PCSK6: variants seen among roughly 807,000 people sequenced by gnomAD.
PCSK6 encodes the protein paired basic amino acid cleaving enzyme 4.
PCSK6 carries 85 observed loss-of-function variants against 123.3 expected under a neutral mutation model. The ratio of observed to expected loss-of-function variants is 0.69; its 90% CI spans 0.58 to 0.83. The LOEUF is 0.83. Ranked by LOEUF, PCSK6 falls within the 40% of genes least tolerant of loss-of-function variation. The probability of loss-of-function intolerance (pLI) is 0.00; values close to 1 mark genes in which losing one functional copy is unlikely to be tolerated. For synonymous variants in PCSK6, 508 were observed against 516.0 expected (o/e 0.98, Z 0.21); for missense variants, 1,191 against 1,282.3 (o/e 0.93, Z 1.09).
chr15:101,381,736 A>G (rs1175146689), intron 11 of PCSK6, among the ~76,000 whole-genome samples: 3 of 152,034 alleles, frequency 2.0e-5, no homozygotes, highest in Non-Finnish European at 4.4e-5. Context: ...ACCTGCAGCT[A>G]CTCCCCATTT....
chr15:101,361,215 C>T (rs1299388549), intron 13 of PCSK6, among the ~76,000 whole-genome samples: 1 of 148,940 alleles, frequency 6.7e-6, no homozygotes, highest in Non-Finnish European at 1.5e-5. Context: ...CTCTTATTTC[C>T]CTCTAGTGAT....
At chr15:101,362,710 A>T (rs150080603) in intron 13 of PCSK6, among the ~76,000 whole-genome samples, 2 of 152,300 alleles carry the variant, frequency 1.3e-5, no homozygotes, top group African/African-American at 4.8e-5. Context: ...TAACTTGCGT[A>T]CTATCCCCAT....
chr15:101,387,405 T>A (rs112484559), intron 9 of PCSK6, among the ~76,000 whole-genome samples: 2 of 152,216 alleles, frequency 1.3e-5, no homozygotes, highest in South Asian at 4.1e-4. Flanking sequence ...CCAGTCCTCC[T>A]GGAAATCTTG....
Position 101,362,235 on chromosome 15 carries a change from C to T in PCSK6, c.1858+3961G>A, listed in dbSNP as rs545097883. 1.6e-3 allele frequency among the ~76,000 whole-genome samples: 244 copies of T among 152,296 alleles called. 1 individual carries two copies. The highest frequency in any genetic ancestry group is 4.3e-3 in the South Asian group (21 of 4,830). ...CCTCCCAAAGTGCTGGAATTACAGG[C>T]ATGAGCCACCATGCCCAGCCCAAAG... On this transcript the variant is annotated intron_variant, in intron 13 of 21. Transcript: ENST00000611716.
At chr15:101,472,999 C>A (rs536536623) in intron 1 of PCSK6, among the ~76,000 whole-genome samples, 1 of 152,286 alleles carries the variant, frequency 6.6e-6, no homozygotes, top group Non-Finnish European at 1.5e-5. Context: ...TCAATGTGAG[C>A]CTTGTATTGA....
chr15:101,385,560 T>C (rs1372317070), intron 9 of PCSK6, among the ~76,000 whole-genome samples: 3 of 152,242 alleles, frequency 2.0e-5, no homozygotes, highest in Admixed American at 6.5e-5. Flanking sequence ...GCACTTCTGG[T>C]TTCTGTGGTA....
chr15:101,353,286 G>A (rs1481892536), intron 13 of PCSK6, among the ~76,000 whole-genome samples: 1 of 152,124 alleles, frequency 6.6e-6, no homozygotes, highest in Non-Finnish European at 1.5e-5. Flanking sequence ...TTCACAATGG[G>A]GTTCGCACTC....
chr15:101,313,543 G>C, intron 19 of PCSK6, 38 bp from the exon 20 acceptor site: 1 of 1,563,924 alleles, frequency 6.4e-7, no homozygotes, highest in Non-Finnish European at 8.6e-7. Flanking sequence ...ATCAGGGATG[G>C]CTGGCAGAAG....
At chr15:101,309,909 A>G (rs1282187912) in intron 20 of PCSK6, among the ~76,000 whole-genome samples, 1 of 151,634 alleles carries the variant, frequency 6.6e-6, no homozygotes, top group Non-Finnish European at 1.5e-5. Flanking sequence ...GGAACTTATC[A>G]GGCATTGTTC....
At chr15:101,413,300 C>T (rs1024370383) in intron 6 of PCSK6, among the ~76,000 whole-genome samples, 9 of 151,998 alleles carry the variant, frequency 5.9e-5, no homozygotes, top group Non-Finnish European at 8.8e-5. Flanking sequence ...CTGTACCTCA[C>T]GCTGGTAAAG....
At chr15:101,382,355 T>TC (rs2041933609) in intron 10 of PCSK6, 146 bp from the exon 11 acceptor site, 3 of 625,760 alleles carry the variant, frequency 4.8e-6, no homozygotes, top group Admixed American at 2.8e-5. Context: ...GCAGGACGGG[T>TC]CCCCCTGAGG....
intron 13 of PCSK6, among the ~76,000 whole-genome samples, chr15:101,361,229 G>A (rs2041213922): frequency 6.7e-6 from 1 of 149,906 alleles, no homozygotes; most frequent in African/African-American, 2.5e-5. Flanking sequence ...TAGTGATCTG[G>A]AAGGTTGGCA....
At chr15:101,476,743 C>A (rs2057741677) in intron 1 of PCSK6, among the ~76,000 whole-genome samples, 1 of 152,134 alleles carries the variant, frequency 6.6e-6, no homozygotes, top group Non-Finnish European at 1.5e-5. Flanking sequence ...TGTACACCTG[C>A]ACTGTGTGAA....
At position 101,473,937 on chromosome 15, in the gene PCSK6, G is replaced by T. The variant is rs1366789957; in HGVS notation, c.297+15437C>A. On this transcript the variant is annotated intron_variant, in intron 1 of 21. Coordinates refer to ENST00000611716, the MANE Select transcript of PCSK6 (RefSeq NM_002570.5). ...AATGAATGAATGAATGGTTGTGAGG[G>T]TCTTAGATTATCAAAGTCATGATAC... is the stretch of plus-strand genomic sequence containing the variant. Among the ~76,000 whole-genome samples, 4 of 152,072 alleles carry T rather than the reference G, an allele frequency of 2.6e-5. No individual in the cohort carries two copies. In the East Asian group the frequency reaches 5.8e-4, roughly 22 times the overall value.
intron 1 of PCSK6, among the ~76,000 whole-genome samples, chr15:101,464,431 C>T (rs1042937600): frequency 6.6e-6 from 1 of 152,166 alleles, no homozygotes; most frequent in South Asian, 2.1e-4. Flanking sequence ...GTATAGTCTA[C>T]AAGATTGGCT....
Position 101,431,449 on chromosome 15 carries a change from CTT to C in PCSK6, c.526_527del (p.Lys176GlufsTer29). 1 of 1,613,748 alleles carries C rather than the reference CTT, an allele frequency of 6.2e-7. No homozygotes were observed. Among genetic ancestry groups the C allele is most frequent in the African/African-American group, 1.3e-5 (1 of 75,048 alleles). The part of the protein sequence containing the change: ...SNMWYLHCGD[K>X]NSRCRSEMNV... ...TCATTTCCGACCGGCAGCGACTGTT[CTT>C]GTCGCCACAATGCTGTAAGCACGAA... On this transcript the variant is annotated frameshift_variant, in exon 4 of 22. Coordinates refer to ENST00000611716, the MANE Select transcript of PCSK6 (RefSeq NM_002570.5). LOFTEE classifies it high-confidence loss of function.
intron 6 of PCSK6, among the ~76,000 whole-genome samples, chr15:101,403,221 T>G (rs1397189343): frequency 7.8e-6 from 1 of 128,214 alleles, no homozygotes; most frequent in Non-Finnish European, 1.5e-5. Flanking sequence ...AATTGAACAA[T>G]GAGAACACAT....
Position 101,352,735 on chromosome 15 carries a change from GT to G in PCSK6, c.1858+13460del, listed in dbSNP as rs1365790469. ...TTCAGAATTTCTCTAGCTATTATCT[GT>G]GCCCATTCTTTCAGAATAGGTTTTC... On this transcript the variant is annotated intron_variant, in intron 13 of 21. Transcript: ENST00000611716. Among the ~76,000 whole-genome samples the G allele has an allele frequency of 2.0e-5, 3 of 152,114 alleles. No individual in the cohort carries two copies. In the South Asian group the frequency reaches 6.2e-4, roughly 32 times the overall value.
In PCSK6 at chr15:101,431,346, T is replaced by C. The variant is rs758015090; in HGVS notation, c.631A>G (p.Asn211Asp). 2 of 1,613,996 alleles carry C rather than the reference T, an allele frequency of 1.2e-6. No homozygotes were observed. Among genetic ancestry groups the C allele is most frequent in the South Asian group, 1.1e-5 (1 of 91,076 alleles). The change falls in exon 4 of 22, where the codon AAT (asparagine) becomes GAT (aspartate). Residue 211 changes from asparagine (N) to aspartate (D), a missense_variant. By Grantham distance (23) the Asn-to-Asp change is conservative (BLOSUM62 1). This residue lies in a region of PCSK6 where 357 missense variants were observed against 484.5 expected (regional missense o/e 0.74). Coordinates refer to ENST00000611716, the MANE Select transcript of PCSK6 (RefSeq NM_002570.5). ...TAATTTGGGGCCAGGTCAGGGTGAT[T>C]TCTCTCTATGCCATCATCAAGGATG... ...VTILDDGIER[N>D]HPDLAPNYDS...
Sources: gnomAD v4.1 joint callset for allele counts (sites outside exome capture counted in the v4.1 genomes callset) on GRCh38, gnomAD v4.1.1 for gene constraint, gnomAD v4.1.1 regional missense constraint, MANE v1.5 for transcripts, NCBI Gene and HGNC (gene_info 2026-07-23, HGNC 2026-07-21) for gene names.